Variants in DGKZ observed in about 807,000 individuals in gnomAD.
DGKZ encodes the protein DAG kinase zeta.
DGKZ carries 45 observed loss-of-function variants against 142.5 expected under a neutral mutation model. That is an observed-to-expected ratio of 0.32 (90% CI 0.25 to 0.40). The LOEUF is 0.40. Among genes scored for constraint, DGKZ ranks in the 10% least tolerant of loss-of-function variants. The pLI is 1.00. For missense variants in DGKZ, 755 were observed against 1,306.5 expected, an observed-to-expected ratio of 0.58 and a Z score of 6.51; for synonymous variants, 442 against 527.0, an observed-to-expected ratio of 0.84 and a Z score of 2.21.
In DGKZ at chr11:46,375,647, C is replaced by T; in HGVS notation, c.1910+16C>T. 1.3e-6 allele frequency: 2 copies of T among 1,543,570 alleles called. No individual in the cohort carries two copies. Among genetic ancestry groups the T allele is most frequent in the Non-Finnish European group, 1.7e-6 (2 of 1,149,284 alleles). On this transcript the variant is annotated intron_variant, in intron 20 of 30. Coordinates refer to ENST00000527911, the Ensembl canonical transcript of DGKZ. ...TGCACAGCGAGTACGTCCCACCCTG[C>T]CACGTGCCCTGGGTGCCAAGGCCAG...
In DGKZ at chr11:46,333,522, T is replaced by C. The variant is rs111324926; in HGVS notation, c.212+35T>C. ...ACGTGGGCAGAGGGGAGCGCGGCGC[T>C]TGGGACCACCCCTCTTGCAGGCGTC... On this transcript the variant is annotated intron_variant, in intron 1 of 30. Coordinates refer to the DGKZ transcript ENST00000343674. 30,177 of 1,524,886 alleles carry C rather than the reference T, an allele frequency of 0.02. 4,614 individuals carry two copies. The African/African-American group carries it at 0.35, about 18-fold the overall frequency. The allele number at this position is 1,524,886 out of a possible 1,614,324, so 94.5% of individuals were successfully genotyped here.
At chr11:46,376,429 C>T (rs776113308) in intron 23 of DGKZ, 32 bp downstream of exon 23, 2 of 1,614,054 alleles carry the variant, frequency 1.2e-6, no homozygotes, top group South Asian at 1.1e-5. Flanking sequence ...CAAGCTGTTT[C>T]GTGTTCCCTC....
chr11:46,348,436 C>T (rs1940947110), intron 1 of DGKZ, among the ~76,000 whole-genome samples: 1 of 152,170 alleles, frequency 6.6e-6, no homozygotes, highest in Non-Finnish European at 1.5e-5. Flanking sequence ...ATCTGCCCTA[C>T]CTTGCTCTTA....
At chr11:46,350,834 G>C (rs1022429911) in intron 1 of DGKZ, among the ~76,000 whole-genome samples, 2 of 151,666 alleles carry the variant, frequency 1.3e-5, no homozygotes, top group Non-Finnish European at 2.9e-5. Context: ...CAGAATCGGG[G>C]GGTGGCAGCT....
At chr11:46,371,409 G>A in intron 7 of DGKZ, 25 bp downstream of exon 7, 1 of 1,612,440 alleles carries the variant, frequency 6.2e-7, no homozygotes, top group African/African-American at 1.3e-5. Context: ...CGCCCCCAGG[G>A]CCAGGCCCTG....
chr11:46,372,958 C>T lies in DGKZ; in HGVS notation c.1186-3C>T. On this transcript the variant is annotated splice_polypyrimidine_tract_variant and splice_region_variant and intron_variant, in intron 13 of 30. Transcript: ENST00000527911. The surrounding 1 kb of genome is among the most constrained non-coding windows in gnomAD (Gnocchi z 5.9). Reference sequence around the variant, plus strand: ...AGGGCTCAGTCCCTGCCTGCTCCCCCAGGGCTACACAGATGAGCCTGTGTC... The same window carrying T: ...AGGGCTCAGTCCCTGCCTGCTCCCCTAGGGCTACACAGATGAGCCTGTGTC... 1 of 1,545,238 alleles carries T rather than the reference C, an allele frequency of 6.5e-7. No homozygotes were observed. The highest frequency in any genetic ancestry group is 8.8e-7 in the Non-Finnish European group (1 of 1,142,428).
intron 28 of DGKZ, 38 bp downstream of exon 28, chr11:46,379,149 G>GTGGGAGGAGGAGGGGC (rs1944915423): frequency 6.2e-7 from 1 of 1,611,788 alleles, no homozygotes; most frequent in Non-Finnish European, 8.5e-7. Flanking sequence ...TGGGGCCAAG[G>GTGGGAGGAGGAGGGGC]TGGGAGGAGG....
rs1481285510 is a variant in DGKZ, at chr11:46,347,555, C to G, written c.-105C>G. 5.9e-6 allele frequency: 6 copies of G among 1,008,690 alleles called. No individual in the cohort carries two copies. The highest frequency in any genetic ancestry group is 7.1e-6 in the Non-Finnish European group (6 of 846,772). The allele number at this position is 1,008,690 out of a possible 1,614,324, so 62.5% of individuals were successfully genotyped here. Reference sequence around the variant, plus strand: ...GCGCGGGGCGGGCGGAGCGAGCGCGCGCCATGGAGGTGGCGGGCGGCGCGG... The same window carrying G: ...GCGCGGGGCGGGCGGAGCGAGCGCGGGCCATGGAGGTGGCGGGCGGCGCGG... On this transcript the variant is annotated 5_prime_UTR_variant, in exon 1 of 31. Coordinates refer to ENST00000527911, the Ensembl canonical transcript of DGKZ. This position sits in a 1 kb window ranked among gnomAD's most constrained non-coding sequence, Gnocchi z 6.4.
intron 1 of DGKZ, chr11:46,361,862 G>A (rs1942691819): frequency 5.5e-6 from 1 of 183,150 alleles, no homozygotes; most frequent in African/African-American, 2.4e-5. Flanking sequence ...ATGGAAAAGG[G>A]TCCCCCCGAG....
At chr11:46,366,728 T>C (rs1251187738) in intron 1 of DGKZ, 6 of 1,553,716 alleles carry the variant, frequency 3.9e-6, no homozygotes, top group Non-Finnish European at 5.2e-6. Context: ...CCTACCCCGC[T>C]ACCTGCGCCG....
intron 1 of DGKZ, among the ~76,000 whole-genome samples, chr11:46,359,811 T>C (rs1294119129): frequency 7.5e-6 from 1 of 132,544 alleles, no homozygotes; most frequent in African/African-American, 2.9e-5. Context: ...AGAGACGGGG[T>C]TTTGCCATGT....
At chr11:46,364,227 CCGTGGACTCTAGGCGGTCACCTCTG>C (rs1943009453) in intron 1 of DGKZ, 2 of 590,454 alleles carry the variant, frequency 3.4e-6, no homozygotes, top group Admixed American at 4.7e-5. Flanking sequence ...CACTGACTTG[CCGTGGACTCTAGGCGGTCACCTCTG>C]CGTCAACTTC....
In DGKZ at chr11:46,379,232, G is replaced by A. The variant is rs778472144; in HGVS notation, c.2569G>A (p.Glu857Lys). Residue 857 changes from glutamate to lysine, a missense_variant, in exon 29 of 31, where the codon GAA becomes AAA. This residue lies in a region of DGKZ where 100 missense variants were observed against 87.7 expected (regional missense o/e 1.14). Transcript: ENST00000527911. ...CCCAGAGATCCTTGATGCGGTGGAGGAAAAGTAAGTATCTGGGCAGTGCAG... is the reference window on the plus strand; with the variant it reads ...CCCAGAGATCCTTGATGCGGTGGAGAAAAAGTAAGTATCTGGGCAGTGCAG... The A allele has an allele frequency of 5.6e-6, 9 of 1,613,092 alleles. No homozygotes were observed. In the South Asian group the frequency reaches 6.6e-5, roughly 12 times the overall value.
chr11:46,376,269 G>C (rs950839350), intron 22 of DGKZ, 59 bp from the exon 23 acceptor site: 2 of 1,610,766 alleles, frequency 1.2e-6, no homozygotes, highest in African/African-American at 2.7e-5. Context: ...CCTACTCCAA[G>C]TTCCCTTCCC....
At chr11:46,368,195 G>A (rs747927099) in intron 4 of DGKZ, 116 bp downstream of exon 4, 2 of 1,095,518 alleles carry the variant, frequency 1.8e-6, no homozygotes, top group Non-Finnish European at 2.7e-6. Context: ...CCAGCACTCG[G>A]GGGTGAAGAG....
intron 1 of DGKZ, chr11:46,361,514 A>G (rs1424384014): frequency 1.2e-4 from 65 of 544,126 alleles, no homozygotes; most frequent in Non-Finnish European, 6.8e-5. Context: ...TCAGTTACCA[A>G]TCGGGTTATT....
intron 1 of DGKZ, among the ~76,000 whole-genome samples, chr11:46,335,796 C>T (rs1231980943): frequency 6.6e-6 from 1 of 152,222 alleles, no homozygotes; most frequent in Non-Finnish European, 1.5e-5. Context: ...GCCAGCAGCT[C>T]TTCCAGGCCC....
At chr11:46,356,609 C>T (rs1043045411) in intron 1 of DGKZ, among the ~76,000 whole-genome samples, 3 of 151,994 alleles carry the variant, frequency 2.0e-5, no homozygotes, top group Admixed American at 2.0e-4. Context: ...GGGAGACCAC[C>T]GGATGCCACG....
Position 46,372,005 on chromosome 11 carries a change from G to C in DGKZ, c.832-70G>C. On this transcript the variant is annotated intron_variant, in intron 9 of 30. Transcript: ENST00000527911. This position sits in a 1 kb window ranked among gnomAD's most constrained non-coding sequence, Gnocchi z 5.9. ...AAAGAGGGAACAAAGTCACCCAGGGGGCCTGCTAAGGATGATGGTAGGGTG... is the reference window on the plus strand; with the variant it reads ...AAAGAGGGAACAAAGTCACCCAGGGCGCCTGCTAAGGATGATGGTAGGGTG... 4 of 1,440,796 alleles carry C rather than the reference G, an allele frequency of 2.8e-6. No homozygotes were observed. Among genetic ancestry groups the C allele is most frequent in the Admixed American group, 3.9e-5 (2 of 51,608 alleles). 89.3% of individuals were successfully genotyped at this position (1,440,796 alleles called of 1,614,324 possible). A position where few individuals can be genotyped will look rare whatever the true frequency, so the allele number is the denominator to read the frequency against.
Sources: allele counts gnomAD v4.1 joint callset (sites outside exome capture counted in the v4.1 genomes callset), GRCh38; gene constraint gnomAD v4.1.1; regional missense constraint gnomAD v4.1.1; non-coding constraint Gnocchi (gnomAD v3.1); transcripts MANE v1.5; gene names NCBI Gene and HGNC (gene_info 2026-07-23, HGNC 2026-07-21).